GSDME: variants seen among roughly 807,000 people sequenced by gnomAD.
GSDME encodes gasdermin E, also known as gasdermin-E.
GSDME carries 44 observed loss-of-function variants against 47.5 expected under a neutral mutation model. The ratio of observed to expected loss-of-function variants is 0.93; its 90% CI spans 0.73 to 1.19. The LOEUF is 1.19. Ranked by LOEUF, GSDME falls within the 50% of genes most tolerant of loss-of-function variation. The pLI, the probability that GSDME is intolerant of heterozygous loss-of-function variation, is 0.00. For missense variants in GSDME, 663 were observed against 604.2 expected, an observed-to-expected ratio of 1.10 and a Z score of -1.02; for synonymous variants, 258 against 252.8, an observed-to-expected ratio of 1.02 and a Z score of -0.20.
intron 7 of GSDME, chr7:24,707,258 CAAAA>C (rs1300868074): frequency 4.3e-6 from 2 of 466,068 alleles, no homozygotes; most frequent in African/African-American, 2.0e-5. Context: ...AATAGAAAAA[CAAAA>C]GAACAAAAAA....
chr7:24,701,412 T>C (rs1788863185), intron 9 of GSDME, among the ~76,000 whole-genome samples: 1 of 152,194 alleles, frequency 6.6e-6, no homozygotes, highest in Non-Finnish European at 1.5e-5. Flanking sequence ...GTAATACAAA[T>C]GTCCTAGAGC....
the GSDME span, among the ~76,000 whole-genome samples, chr7:24,787,629 C>G: frequency 1.3e-5 from 2 of 152,112 alleles, no homozygotes; most frequent in Non-Finnish European, 2.9e-5. The surrounding 1 kb of genome is among the most constrained non-coding windows in gnomAD (Gnocchi z 5.0). Context: ...ATGCTCTTGG[C>G]TCATTAAAGC....
chr7:24,759,898 A>G (rs977428044), upstream of GSDME, among the ~76,000 whole-genome samples: 1 of 152,346 alleles, frequency 6.6e-6, no homozygotes, highest in Non-Finnish European at 1.5e-5. Flanking sequence ...TGTGCTTATT[A>G]TTATTGTTAA....
chr7:24,766,978 T>A, the GSDME span, among the ~76,000 whole-genome samples: 15 of 152,204 alleles, frequency 9.9e-5, no homozygotes, highest in African/African-American at 3.6e-4. The surrounding 1 kb of genome is among the most constrained non-coding windows in gnomAD (Gnocchi z 4.2). Context: ...GTTTCCTGAT[T>A]TTTTAATGAT....
upstream of GSDME, chr7:24,757,529 C>A (rs992151864): frequency 1.3e-5 from 2 of 151,694 alleles, no homozygotes; most frequent in Non-Finnish European, 2.9e-5. The surrounding 1 kb of genome is among the most constrained non-coding windows in gnomAD (Gnocchi z 5.9). Context: ...GACCTTTGCT[C>A]GGTCCGGGCG....
chr7:24,716,150 G>A lies in GSDME; in HGVS notation c.697+1104C>T, dbSNP rs71535707. Among the ~76,000 whole-genome samples the A allele has an allele frequency of 0.038, 5,837 of 152,272 alleles. 158 individuals are homozygous for A. The highest frequency in any genetic ancestry group is 0.057 in the Non-Finnish European group (3,870 of 68,018). Reference sequence around the variant, plus strand: ...GCAGGAGGCAGCAGCAGGCATGTGCGTGGTCTATCACGGCCCTTTTAAAAA... The same window carrying A: ...GCAGGAGGCAGCAGCAGGCATGTGCATGGTCTATCACGGCCCTTTTAAAAA... On this transcript the variant is annotated intron_variant, in intron 5 of 9. Transcript: ENST00000645220. This position sits in a 1 kb window ranked among gnomAD's most constrained non-coding sequence, Gnocchi z 4.5.
In GSDME at chr7:24,710,457, G is replaced by T. The variant is rs1258912267; in HGVS notation, c.698-69C>A. On this transcript the variant is annotated intron_variant, in intron 5 of 9. Coordinates refer to ENST00000645220, the MANE Select transcript of GSDME (RefSeq NM_001127453.2). ...AAGGTGTGCCAACAAGTCTGGACAG[G>T]GTCAGCCCAGCCTTGATGGCACATC... is the stretch of plus-strand genomic sequence containing the variant. 10 of 1,498,464 alleles carry T rather than the reference G, an allele frequency of 6.7e-6. No homozygotes were observed. The Admixed American group carries it at 1.7e-4, about 25-fold the overall frequency. 92.8% of individuals were successfully genotyped at this position (1,498,464 alleles called of 1,614,324 possible).
rs777636529 is a variant in GSDME at position 24,719,132 on chromosome 7, G to A, written c.491C>T (p.Thr164Met). 22 of 1,613,884 alleles carry A rather than the reference G, an allele frequency of 1.4e-5. No individual in the cohort carries two copies. Among genetic ancestry groups the A allele is most frequent in the African/African-American group, 2.7e-5 (2 of 75,050 alleles). ...CTCAGAGATCACACACTTCTGCATC[G>A]TCGTGATCTTCTGTGTCAAAACGCA... ...VLCVLTQKIT[T>M]MQKCVISEHM... The change falls in exon 4 of 10, where the codon ACG (threonine) becomes ATG (methionine). Residue 164 changes from threonine (T) to methionine (M), a missense_variant. Transcript: ENST00000645220.
At chr7:24,710,201 T>C in intron 6 of GSDME, 23 bp downstream of exon 6, 2 of 1,612,528 alleles carry the variant, frequency 1.2e-6, no homozygotes, top group Non-Finnish European at 1.7e-6. Context: ...AACTGCCCAC[T>C]ACTCCTGCCC....
rs1790026301 is a variant in GSDME at position 24,728,028 on chromosome 7, G to A, written c.405-8810C>T. 1.3e-5 allele frequency among the ~76,000 whole-genome samples: 2 copies of A among 152,218 alleles called. No individual in the cohort carries two copies. The highest frequency in any genetic ancestry group is 4.8e-5 in the African/African-American group (2 of 41,456). On this transcript the variant is annotated intron_variant, in intron 3 of 9. Coordinates refer to ENST00000645220, the MANE Select transcript of GSDME (RefSeq NM_001127453.2). The surrounding 1 kb of genome is among the most constrained non-coding windows in gnomAD (Gnocchi z 7.2). ...TCGGGAGCTAGGGGGGCTGTAACGG[G>A]AGGAAGAGACAGGGTGCACCCAGCC...
At chr7:24,763,336 T>G in the GSDME span, among the ~76,000 whole-genome samples, 1 of 151,788 alleles carries the variant, frequency 6.6e-6, no homozygotes, top group African/African-American at 2.4e-5. This position sits in a 1 kb window ranked among gnomAD's most constrained non-coding sequence, Gnocchi z 4.3. Flanking sequence ...CTTTACAGCT[T>G]CTCTTTGGAA....
chr7:24,710,478 A>G (rs1789309869), intron 5 of GSDME, 90 bp from the exon 6 acceptor site: 3 of 1,244,870 alleles, frequency 2.4e-6, no homozygotes, highest in Non-Finnish European at 3.5e-6. Context: ...CCTTGATGGC[A>G]CATCTTAGAC....
chr7:24,765,265 G>A, the GSDME span, among the ~76,000 whole-genome samples: 1 of 152,032 alleles, frequency 6.6e-6, no homozygotes, highest in Non-Finnish European at 1.5e-5. Context: ...TTTAAATGTC[G>A]ATACGGATCC....
chr7:24,737,964 A>G (rs906626047), intron 3 of GSDME, among the ~76,000 whole-genome samples: 3 of 152,002 alleles, frequency 2.0e-5, no homozygotes, highest in African/African-American at 7.2e-5. Flanking sequence ...CTGCACATAG[A>G]AGGAACATAG....
At chr7:24,776,549 C>A in the GSDME span, among the ~76,000 whole-genome samples, 1 of 152,188 alleles carries the variant, frequency 6.6e-6, no homozygotes. Context: ...TCCTAGGTTT[C>A]ATCTTATAAC....
In GSDME at chr7:24,716,039, G is replaced by A. The variant is rs768282561; in HGVS notation, c.697+1215C>T. 1.7e-4 allele frequency among the ~76,000 whole-genome samples: 26 copies of A among 152,292 alleles called. No homozygotes were observed. The highest frequency in any genetic ancestry group is 1.0e-3 in the South Asian group (5 of 4,806). On this transcript the variant is annotated intron_variant, in intron 5 of 9. Coordinates refer to ENST00000645220, the MANE Select transcript of GSDME (RefSeq NM_001127453.2). This position sits in a 1 kb window ranked among gnomAD's most constrained non-coding sequence, Gnocchi z 4.5. ...GAGTCCCTCTAGTGGCTGCTGAATG[G>A]CGTAGTGACTCATGTGGGCTTAGCG...
Position 24,744,549 on chromosome 7 carries a change from C to T in GSDME, c.404+13G>A, listed in dbSNP as rs1328266400. The stretch of plus-strand genomic sequence containing the variant: ...ATGTGTCAAAATCCAAAATGCCAAA[C>T]AAGTCTCCTTACCTCTCGGCAGAGT... On this transcript the variant is annotated intron_variant, in intron 3 of 9. Coordinates refer to ENST00000645220, the MANE Select transcript of GSDME (RefSeq NM_001127453.2). This position sits in a 1 kb window ranked among gnomAD's most constrained non-coding sequence, Gnocchi z 4.5. 2.5e-6 allele frequency: 4 copies of T among 1,613,982 alleles called. No individual in the cohort carries two copies. Among genetic ancestry groups the T allele is most frequent in the East Asian group, 2.2e-5 (1 of 44,902 alleles).
the GSDME span, among the ~76,000 whole-genome samples, chr7:24,785,459 G>A: frequency 6.6e-6 from 1 of 152,126 alleles, no homozygotes; most frequent in South Asian, 2.1e-4. Context: ...TTTTTTGTTT[G>A]TTTGTTTGTT....
upstream of GSDME, among the ~76,000 whole-genome samples, chr7:24,759,110 A>C (rs1442066570): frequency 6.6e-6 from 1 of 152,182 alleles, no homozygotes; most frequent in Non-Finnish European, 1.5e-5. Context: ...TAATGTGATG[A>C]GATGTTGGAC....
Sources: gnomAD v4.1 joint callset for allele counts (sites outside exome capture counted in the v4.1 genomes callset) on GRCh38, gnomAD v4.1.1 for gene constraint, Gnocchi (gnomAD v3.1) non-coding constraint, MANE v1.5 for transcripts, NCBI Gene and HGNC (gene_info 2026-07-23, HGNC 2026-07-21) for gene names.